Variants in PRIM2 observed in about 807,000 individuals in gnomAD.
PRIM2 encodes DNA primase large subunit.
In PRIM2, 39 loss-of-function variants were observed where a neutral mutation model predicts 67.3. The ratio of observed to expected loss-of-function variants is 0.58; its 90% CI spans 0.45 to 0.76. PRIM2 has a LOEUF of 0.76. Ranked by LOEUF, PRIM2 falls within the 30% of genes least tolerant of loss-of-function variation. The pLI, the probability that PRIM2 is intolerant of heterozygous loss-of-function variation, is 0.00. For synonymous variants in PRIM2, 143 were observed against 198.7 expected (o/e 0.72, Z 2.36); for missense variants, 398 against 598.7 (o/e 0.66, Z 3.50).
At chr6:57,245,218 G>A in the PRIM2 span, among the ~76,000 whole-genome samples, 5 of 152,230 alleles carry the variant, frequency 3.3e-5, no homozygotes, top group East Asian at 1.9e-4. Flanking sequence ...CCAGGATGCC[G>A]GGTTGCTTGA....
intron 5 of PRIM2, among the ~76,000 whole-genome samples, chr6:57,345,052 A>G (rs949682854): frequency 3.2e-5 from 3 of 93,966 alleles, no homozygotes; most frequent in Non-Finnish European, 6.4e-5. Context: ...TTCCATGCCT[A>G]TAACTTTTGC....
chr6:57,568,906 G>A (rs1775802920), intron 10 of PRIM2, among the ~76,000 whole-genome samples: 1 of 152,166 alleles, frequency 6.6e-6, no homozygotes. Flanking sequence ...ACCCTCTCTG[G>A]GCCTCTGTTT....
the PRIM2 span, among the ~76,000 whole-genome samples, chr6:57,227,423 C>CAACTCCTG: frequency 1.3e-5 from 2 of 152,140 alleles, no homozygotes; most frequent in African/African-American, 4.8e-5. Flanking sequence ...GCAGGAGGAT[C>CAACTCCTG]ACCTGAGGTC....
chr6:57,280,253 A>C, the PRIM2 span, among the ~76,000 whole-genome samples: 1 of 152,208 alleles, frequency 6.6e-6, no homozygotes, highest in Non-Finnish European at 1.5e-5. Context: ...ATTTCTCCAC[A>C]CAGAAATAAC....
At chr6:57,545,382 TAAAAG>T (rs1775269170) in intron 10 of PRIM2, among the ~76,000 whole-genome samples, 1 of 152,102 alleles carries the variant, frequency 6.6e-6, no homozygotes, top group African/African-American at 2.4e-5. Flanking sequence ...GATACTGAAA[TAAAAG>T]AAACAGCCCT....
chr6:57,319,291 G>C (rs1403957708), intron 2 of PRIM2, among the ~76,000 whole-genome samples: 1 of 152,218 alleles, frequency 6.6e-6, no homozygotes. Flanking sequence ...TCAGTGTGTT[G>C]CTAGAGAAAA....
upstream of PRIM2, among the ~76,000 whole-genome samples, chr6:57,310,403 G>A (rs532766470): frequency 9.9e-5 from 15 of 152,234 alleles, no homozygotes; most frequent in Admixed American, 9.8e-4. Flanking sequence ...CAAGGCAGAA[G>A]AATTTTTCTT....
intron 12 of PRIM2, among the ~76,000 whole-genome samples, chr6:57,608,777 T>C (rs1178011262): frequency 4.6e-5 from 7 of 151,214 alleles, no homozygotes; most frequent in African/African-American, 1.7e-4. Context: ...TTAAGCATCA[T>C]AGGATTGTTC....
chr6:57,284,788 T>C, the PRIM2 span, among the ~76,000 whole-genome samples: 3 of 152,122 alleles, frequency 2.0e-5, no homozygotes, highest in Admixed American at 6.5e-5. Context: ...AAAGAAATAA[T>C]TGGACAAGCA....
chr6:57,266,392 A>G, the PRIM2 span, among the ~76,000 whole-genome samples: 1 of 152,242 alleles, frequency 6.6e-6, no homozygotes, highest in African/African-American at 2.4e-5. Context: ...AATTCATTTT[A>G]CTGAAATGTT....
intron 7 of PRIM2, among the ~76,000 whole-genome samples, chr6:57,492,132 A>T (rs2127410474): frequency 6.6e-6 from 1 of 152,324 alleles, no homozygotes; most frequent in South Asian, 2.1e-4. Flanking sequence ...GTCTGCCTAA[A>T]GCAAGATGGC....
chr6:57,371,663 G>A (rs1306079914), intron 5 of PRIM2, among the ~76,000 whole-genome samples: 1 of 152,240 alleles, frequency 6.6e-6, no homozygotes, highest in South Asian at 2.1e-4. Context: ...TGTTTACTGG[G>A]AAAATTTGAA....
At chr6:57,539,792 A>G (rs1775105630) in intron 10 of PRIM2, among the ~76,000 whole-genome samples, 1 of 151,942 alleles carries the variant, frequency 6.6e-6, no homozygotes, top group Non-Finnish European at 1.5e-5. Context: ...TCAGGAGTTC[A>G]AGACCAGCCT....
intron 5 of PRIM2, among the ~76,000 whole-genome samples, chr6:57,353,552 G>A (rs1768925829): frequency 6.6e-6 from 1 of 152,134 alleles, no homozygotes; most frequent in African/African-American, 2.4e-5. Flanking sequence ...CTTGAGACAG[G>A]TGTGTGCACA....
upstream of PRIM2, among the ~76,000 whole-genome samples, chr6:57,317,049 A>C (rs1476852): frequency 0.83 from 125,826 of 152,196 alleles, 52,178 homozygotes; most frequent in East Asian, 0.97. Context: ...CGAAATTCAA[A>C]ATATGTATTG....
chr6:57,290,323 C>T, the PRIM2 span, among the ~76,000 whole-genome samples: 8 of 152,160 alleles, frequency 5.3e-5, no homozygotes, highest in Non-Finnish European at 1.0e-4. Flanking sequence ...AATATATATG[C>T]ACCCAATACA....
intron 12 of PRIM2, among the ~76,000 whole-genome samples, chr6:57,626,736 C>T (rs1205244911): frequency 1.2e-4 from 18 of 151,884 alleles, no homozygotes; most frequent in African/African-American, 3.1e-4. Flanking sequence ...GCGAACCTCC[C>T]GCCTCAGCCC....
At chr6:57,515,492 G>GA (rs1194871777) in intron 8 of PRIM2, among the ~76,000 whole-genome samples, 3 of 152,238 alleles carry the variant, frequency 2.0e-5, no homozygotes, top group Non-Finnish European at 4.4e-5. Context: ...GCCCAAGTGA[G>GA]AAAGTGGCAG....
At chr6:57,239,676 G>C in the PRIM2 span, among the ~76,000 whole-genome samples, 2,744 of 152,218 alleles carry the variant, frequency 0.018, 81 homozygotes, top group African/African-American at 0.061. Context: ...GCCTGGGGAG[G>C]TCGAGGCTGC....
Sources: allele counts gnomAD v4.1 joint callset (sites outside exome capture counted in the v4.1 genomes callset), GRCh38; gene constraint gnomAD v4.1.1; transcripts MANE v1.5; gene names NCBI Gene and HGNC (gene_info 2026-07-23, HGNC 2026-07-21).